The following TFG variants were observed in gnomAD, a reference collection of about 807,000 sequenced individuals.
TFG encodes the protein trafficking from ER to golgi regulator.
TFG carries 22 observed loss-of-function variants against 51.4 expected under a neutral mutation model. The ratio of observed to expected loss-of-function variants is 0.43; its 90% CI spans 0.31 to 0.61. The LOEUF (loss-of-function observed/expected upper bound fraction) is 0.61. TFG is among the 20% of genes least tolerant of loss of function. TFG has a pLI of 0.12. For missense variants in TFG, 419 were observed against 487.7 expected (o/e 0.86, Z 1.33); for synonymous variants, 187 against 165.6 (o/e 1.13, Z -0.99).
intron 6 of TFG, among the ~76,000 whole-genome samples, chr3:100,740,248 AT>A (rs1335672918): frequency 6.6e-6 from 1 of 152,226 alleles, no homozygotes; most frequent in Non-Finnish European, 1.5e-5. Flanking sequence ...TTAGACAGAT[AT>A]CCCGGAATGG....
At chr3:100,728,572 TA>T (rs919245589) in intron 3 of TFG, 139 bp from the exon 4 acceptor site, 5 of 563,414 alleles carry the variant, frequency 8.9e-6, no homozygotes, top group African/African-American at 7.9e-5. Flanking sequence ...TCTTTTTTTT[TA>T]AAAAAAAAGT....
chr3:100,741,162 A>G (rs946961226), intron 6 of TFG, among the ~76,000 whole-genome samples: 7 of 152,174 alleles, frequency 4.6e-5, no homozygotes, highest in Non-Finnish European at 7.4e-5. Flanking sequence ...GTGTACTCCT[A>G]CTTATTTAAA....
chr3:100,717,338 G>T (rs2095049034), intron 2 of TFG, among the ~76,000 whole-genome samples: 1 of 152,134 alleles, frequency 6.6e-6, no homozygotes, highest in Non-Finnish European at 1.5e-5. Flanking sequence ...GTCAGTAAGT[G>T]TGACACCTTC....
chr3:100,731,928 T>A (rs926428765), intron 4 of TFG, among the ~76,000 whole-genome samples: 9 of 152,180 alleles, frequency 5.9e-5, no homozygotes, highest in Non-Finnish European at 1.0e-4. Context: ...TAATAAGTAA[T>A]ACATATTAAA....
At chr3:100,745,667 T>C (rs1435865514) in intron 7 of TFG, among the ~76,000 whole-genome samples, 2 of 152,342 alleles carry the variant, frequency 1.3e-5, no homozygotes, top group African/African-American at 2.4e-5. Flanking sequence ...TATCAGAATT[T>C]CAACTGTAAT....
intron 6 of TFG, chr3:100,743,797 T>C (rs2095127849): frequency 6.6e-6 from 1 of 151,124 alleles, no homozygotes; most frequent in Non-Finnish European, 1.5e-5. Flanking sequence ...GGAGTTGATA[T>C]AATGTCTTTT....
At chr3:100,723,886 G>A (rs2095067669) in intron 3 of TFG, among the ~76,000 whole-genome samples, 2 of 151,700 alleles carry the variant, frequency 1.3e-5, no homozygotes, top group Non-Finnish European at 2.9e-5. Context: ...TGTAAGTCAA[G>A]TCTTCCAGAA....
Position 100,744,807 on chromosome 3 carries a change from T to G in TFG, c.722-26T>G, listed in dbSNP as rs61230753. On this transcript the variant is annotated intron_variant, in intron 6 of 7. Transcript: ENST00000240851. Reference sequence around the variant, plus strand: ...GCCACATTAAACATGCCTTTTTTCCTTGTGTGTGTGTGTGTGTGTTTTCAG... The same window carrying G: ...GCCACATTAAACATGCCTTTTTTCCGTGTGTGTGTGTGTGTGTGTTTTCAG... The G allele has an allele frequency of 0.013, 18,485 of 1,419,700 alleles. 1,183 individuals carry two copies. The East Asian group carries it at 0.3, about 23-fold the overall frequency. 87.9% of individuals were successfully genotyped at this position (1,419,700 alleles called of 1,614,324 possible).
chr3:100,747,036 T>C (rs554106855), intron 7 of TFG, among the ~76,000 whole-genome samples: 1 of 152,300 alleles, frequency 6.6e-6, no homozygotes. Flanking sequence ...CTTAATAAAT[T>C]TAGTCAGGGT....
chr3:100,713,234 A>G (rs1023057706), intron 1 of TFG, among the ~76,000 whole-genome samples: 5 of 152,186 alleles, frequency 3.3e-5, no homozygotes, highest in East Asian at 1.9e-4. Flanking sequence ...TTTTAAAGGC[A>G]GTGGCAACCA....
In TFG at chr3:100,730,701, C is replaced by T. The variant is rs563238418; in HGVS notation, c.416-1807C>T. On this transcript the variant is annotated intron_variant, in intron 4 of 7. Transcript: ENST00000240851. The stretch of plus-strand genomic sequence containing the variant: ...ACCTGTGGTCTTCAGCTCTCTATTA[C>T]AGCGGTTCTTGGATGCTTGTTTTCC... 2.4e-4 allele frequency among the ~76,000 whole-genome samples: 37 copies of T among 152,304 alleles called. No individual in the cohort carries two copies. The Middle Eastern group carries it at 0.01, about 42-fold the overall frequency.
chr3:100,747,864 A>G lies in TFG; in HGVS notation c.821-285A>G, dbSNP rs9817756. 0.017 allele frequency among the ~76,000 whole-genome samples: 2,573 copies of G among 152,294 alleles called. 63 individuals are homozygous for G. Among genetic ancestry groups the G allele is most frequent in the African/African-American group, 0.058 (2,407 of 41,552 alleles). ...CCCATTTTTGGTCTTCCTAGAAAGT[A>G]TAATTCTTTCATTTATCATTTGAGC... On this transcript the variant is annotated intron_variant, in intron 7 of 7. Coordinates refer to ENST00000240851, the MANE Select transcript of TFG (RefSeq NM_006070.6).
chr3:100,711,189 G>C (rs573755850), intron 1 of TFG: 1 of 151,926 alleles, frequency 6.6e-6, no homozygotes, highest in South Asian at 2.1e-4. Flanking sequence ...TGCAACCTCC[G>C]CCTCCCGGGT....
chr3:100,730,646 T>C lies in TFG; in HGVS notation c.415+1788T>C, dbSNP rs142862287. Among the ~76,000 whole-genome samples, 163 of 152,304 alleles carry C rather than the reference T, an allele frequency of 1.1e-3. 1 individual carries two copies. The highest frequency in any genetic ancestry group is 3.8e-3 in the African/African-American group (158 of 41,546). ...TCAGCTATCAGTGCTATTTAGAACC[T>C]GTGGCTTACCCTCACCAAGAAATGT... On this transcript the variant is annotated intron_variant, in intron 4 of 7. Transcript: ENST00000240851.
intron 2 of TFG, among the ~76,000 whole-genome samples, chr3:100,715,890 C>G (rs2095044491): frequency 7.3e-6 from 1 of 136,536 alleles, no homozygotes. Context: ...AGATTTTTAA[C>G]TTTTTTTTTT....
At chr3:100,726,286 T>C (rs7629427) in intron 3 of TFG, among the ~76,000 whole-genome samples, 2,081 of 152,296 alleles carry the variant, frequency 0.014, 41 homozygotes, top group African/African-American at 0.048. Context: ...AGCAAACTTA[T>C]CCTACCTTCT....
intron 7 of TFG, among the ~76,000 whole-genome samples, chr3:100,747,138 T>C (rs2095136934): frequency 6.6e-6 from 1 of 152,204 alleles, no homozygotes; most frequent in African/African-American, 2.4e-5. Context: ...TTGAGAGATA[T>C]GGAAATAGTC....
At chr3:100,727,989 C>T (rs537085100) in intron 3 of TFG, among the ~76,000 whole-genome samples, 1 of 152,288 alleles carries the variant, frequency 6.6e-6, no homozygotes, top group African/African-American at 2.4e-5. Context: ...TGTGCTGCCA[C>T]ACTTGGCTAA....
At chr3:100,710,814 C>T (rs2095028828) in intron 1 of TFG, among the ~76,000 whole-genome samples, 2 of 152,192 alleles carry the variant, frequency 1.3e-5, no homozygotes, top group Admixed American at 6.5e-5. Flanking sequence ...CTCCTACTGG[C>T]AGTTCTAGGA....
Sources: allele counts gnomAD v4.1 joint callset (sites outside exome capture counted in the v4.1 genomes callset), GRCh38; gene constraint gnomAD v4.1.1; transcripts MANE v1.5; gene names NCBI Gene and HGNC (gene_info 2026-07-23, HGNC 2026-07-21).